The following PDGFRA variants were observed in gnomAD, a reference collection of about 807,000 sequenced individuals.
PDGFRA encodes the protein platelet derived growth factor receptor alpha.
PDGFRA carries 25 observed loss-of-function variants against 121.5 expected under a neutral mutation model. That is an observed-to-expected ratio of 0.21 (90% CI 0.15 to 0.29). The LOEUF (loss-of-function observed/expected upper bound fraction) is 0.29, where lower values mean the gene tolerates loss of function less well. Ranked by LOEUF, PDGFRA falls within the 10% of genes least tolerant of loss-of-function variation. PDGFRA has a pLI of 1.00. For synonymous variants in PDGFRA, 463 were observed against 494.8 expected (o/e 0.94, Z 0.85); for missense variants, 1,008 against 1,345.1 (o/e 0.75, Z 3.92).
intron 3 of PDGFRA, among the ~76,000 whole-genome samples, chr4:54,262,687 C>A (rs548783213): frequency 9.9e-5 from 15 of 152,150 alleles, no homozygotes; most frequent in African/African-American, 2.9e-4. Context: ...TTAAAAAAAA[C>A]CAAAAACTTT....
chr4:54,272,544 T>G (rs555600465), intron 9 of PDGFRA, 24 bp downstream of exon 9: 1 of 1,610,798 alleles, frequency 6.2e-7, no homozygotes, highest in Admixed American at 1.7e-5. Context: ...ATGTGTCTTC[T>G]TCTTTCGTGG....
rs571120614 is a variant in PDGFRA, at chr4:54,235,234, G to A, written c.-13+5819G>A. ...CTTGAAGTCACCAGTGGCTTTTGGG[G>A]CTGTGAGAGAGTCTCCTGTGGTCTT... On this transcript the variant is annotated intron_variant, in intron 1 of 22. Coordinates refer to ENST00000257290, the MANE Select transcript of PDGFRA (RefSeq NM_006206.6). Among the ~76,000 whole-genome samples, 38 of 152,254 alleles carry A rather than the reference G, an allele frequency of 2.5e-4. No individual in the cohort carries two copies. In the South Asian group the frequency reaches 2.7e-3, roughly 11 times the overall value.
chr4:54,287,408 C>T (rs988798297), intron 18 of PDGFRA, 22 bp from the exon 19 acceptor site: 6 of 953,796 alleles, frequency 6.3e-6, no homozygotes, highest in Non-Finnish European at 1.0e-5. Flanking sequence ...ATGGGTTTAA[C>T]TGTCTCCCTC....
At chr4:54,282,329 G>A (rs1724122408) in intron 16 of PDGFRA, among the ~76,000 whole-genome samples, 4 of 152,112 alleles carry the variant, frequency 2.6e-5, no homozygotes, top group African/African-American at 2.4e-5. Flanking sequence ...TTTTGGAGAG[G>A]CCTCATGAAG....
At chr4:54,243,036 C>T (rs1336593804) in intron 1 of PDGFRA, among the ~76,000 whole-genome samples, 2 of 152,296 alleles carry the variant, frequency 1.3e-5, no homozygotes, top group Middle Eastern at 3.4e-3. Context: ...GTGGTTATTA[C>T]TACAGACCAA....
rs1173575361 is a variant in PDGFRA, at chr4:54,261,537, C to T, written c.367+125C>T. The T allele has an allele frequency of 4.5e-5, 27 of 596,390 alleles. 1 individual carries two copies. Among genetic ancestry groups the T allele is most frequent in the South Asian group, 1.4e-4 (6 of 43,606 alleles). The allele number at this position is 596,390 out of a possible 1,614,324, so 36.9% of individuals were successfully genotyped here. ...TTGCGGGAAGTTTGAAAAATGTAAG[C>T]GAACACACACAAAAATCATTTGTAA... is the stretch of plus-strand genomic sequence containing the variant. On this transcript the variant is annotated intron_variant, in intron 3 of 22. Coordinates refer to ENST00000257290, the MANE Select transcript of PDGFRA (RefSeq NM_006206.6).
intron 1 of PDGFRA, among the ~76,000 whole-genome samples, chr4:54,238,282 C>G (rs1311105125): frequency 1.3e-5 from 2 of 152,194 alleles, no homozygotes; most frequent in African/African-American, 4.8e-5. Context: ...CCACCAAAAA[C>G]TTTGATTAGG....
chr4:54,240,096 G>A, intron 1 of PDGFRA: 1 of 402,970 alleles, frequency 2.5e-6, no homozygotes. Context: ...CAAATGATCT[G>A]CCTGCCTCAG....
At chr4:54,267,150 A>G in intron 5 of PDGFRA, 139 bp from the exon 6 acceptor site, 2 of 837,888 alleles carry the variant, frequency 2.4e-6, no homozygotes, top group Admixed American at 3.6e-5. Context: ...CCACCTTGTC[A>G]ACATCCCTAC....
At chr4:54,270,546 TA>T in intron 7 of PDGFRA, 86 bp from the exon 8 acceptor site, 2 of 782,942 alleles carry the variant, frequency 2.6e-6, no homozygotes, top group Non-Finnish European at 2.3e-6. Context: ...ACAGTAAAAA[TA>T]AAACTTAAAT....
chr4:54,253,138 A>G (rs1469564973), intron 1 of PDGFRA, among the ~76,000 whole-genome samples: 6 of 152,182 alleles, frequency 3.9e-5, no homozygotes, highest in Admixed American at 3.3e-4. Context: ...CATGTCTCCA[A>G]GAGGTAGGAA....
chr4:54,231,685 G>T (rs1720680211), intron 1 of PDGFRA, among the ~76,000 whole-genome samples: 1 of 152,248 alleles, frequency 6.6e-6, no homozygotes, highest in Non-Finnish European at 1.5e-5. Flanking sequence ...TTGACGCCCT[G>T]GTCAGGCCCT....
chr4:54,293,242 G>A (rs183306801), intron 22 of PDGFRA, among the ~76,000 whole-genome samples: 2 of 145,090 alleles, frequency 1.4e-5, no homozygotes, highest in African/African-American at 5.4e-5. Flanking sequence ...GTCCTTCTCA[G>A]GTGCTTCTGT....
intron 1 of PDGFRA, among the ~76,000 whole-genome samples, chr4:54,246,642 T>C (rs1251548407): frequency 1.3e-5 from 2 of 151,432 alleles, no homozygotes; most frequent in African/African-American, 2.4e-5. Flanking sequence ...CACCCTAACA[T>C]CACAATTAAA....
At chr4:54,280,594 C>G in intron 16 of PDGFRA, 112 bp downstream of exon 16, 1 of 840,932 alleles carries the variant, frequency 1.2e-6, no homozygotes, top group South Asian at 1.4e-5. Flanking sequence ...TGGCAGCCCA[C>G]GTGGTCTCTA....
intron 1 of PDGFRA, among the ~76,000 whole-genome samples, chr4:54,247,983 A>G (rs1397210914): frequency 1.3e-5 from 2 of 152,200 alleles, no homozygotes; most frequent in Non-Finnish European, 1.5e-5. Context: ...TTCAAAGAGA[A>G]TAAAATACCT....
rs186539126 is a variant in PDGFRA, at chr4:54,244,942, G to A, written c.-12-13815G>A. Among the ~76,000 whole-genome samples the A allele has an allele frequency of 7.6e-3, 1,154 of 152,304 alleles. 17 individuals are homozygous for A. Among genetic ancestry groups the A allele is most frequent in the African/African-American group, 0.026 (1,090 of 41,556 alleles). On this transcript the variant is annotated intron_variant, in intron 1 of 22. Transcript: ENST00000257290. ...GAATGCAGAAGCCTTAGGAGCTGAT[G>A]CGATCAACTGGAAGAAAGGGTATCA...
chr4:54,280,439 A>G lies in PDGFRA; in HGVS notation c.2280A>G (p.Ser760=), dbSNP rs2110324656. Residue 760 remains serine (S), a synonymous_variant, in exon 16 of 23, where the codon TCA becomes TCG. Transcript: ENST00000257290. The stretch of plus-strand genomic sequence containing the variant: ...CTAAATATTCCGACATCCAGAGATC[A>G]CTCTATGATCGTCCAGCCTCATATA... ...EVSKYSDIQR[S]LYDRPASYKK... 6.2e-7 allele frequency: 1 copy of G among 1,613,866 alleles called. No homozygotes were observed. Among genetic ancestry groups the G allele is most frequent in the Non-Finnish European group, 8.5e-7 (1 of 1,179,730 alleles).
At chr4:54,261,924 TATA>T (rs1308542648) in intron 3 of PDGFRA, among the ~76,000 whole-genome samples, 66 of 75,978 alleles carry the variant, frequency 8.7e-4, no homozygotes, top group African/African-American at 2.9e-3. Context: ...TATATATATA[TATA>T]TATATTTTTT....
Sources: allele counts gnomAD v4.1 joint callset (sites outside exome capture counted in the v4.1 genomes callset), GRCh38; gene constraint gnomAD v4.1.1; transcripts MANE v1.5; gene names NCBI Gene and HGNC (gene_info 2026-07-23, HGNC 2026-07-21).